The following MRPL48 variants were observed in gnomAD, a reference collection of about 807,000 sequenced individuals.
MRPL48 encodes mitochondrial ribosomal protein L48.
A neutral mutation model predicts 32.9 loss-of-function variants in MRPL48; 16 were observed. The ratio of observed to expected loss-of-function variants is 0.49; its 90% CI spans 0.33 to 0.74. The LOEUF is 0.74. Among genes scored for constraint, MRPL48 ranks in the 30% least tolerant of loss-of-function variants. The pLI is 0.02. For missense variants in MRPL48, 206 were observed against 245.3 expected (o/e 0.84, Z 1.07); for synonymous variants, 94 against 89.2 (o/e 1.05, Z -0.31).
intron 5 of MRPL48, among the ~76,000 whole-genome samples, chr11:73,855,518 C>T (rs149650841): frequency 0.02 from 3,090 of 152,172 alleles, 106 homozygotes; most frequent in African/African-American, 0.069. Flanking sequence ...GATGGAGTCT[C>T]ACTCCGTTGC....
At chr11:73,797,060 C>T (rs1947267087) in intron 1 of MRPL48, among the ~76,000 whole-genome samples, 1 of 151,674 alleles carries the variant, frequency 6.6e-6, no homozygotes, top group East Asian at 1.9e-4. Context: ...GAGACTGTCT[C>T]AAAAAAAAGC....
At chr11:73,800,425 C>G (rs1041426696) in intron 1 of MRPL48, among the ~76,000 whole-genome samples, 8 of 152,166 alleles carry the variant, frequency 5.3e-5, no homozygotes, top group South Asian at 2.1e-4. Flanking sequence ...GCTCTCACCA[C>G]CCACTCCAGA....
At position 73,831,708 on chromosome 11, in the gene MRPL48, A is replaced by AG. The variant is rs536015426; in HGVS notation, c.201+5918dup. Among the ~76,000 whole-genome samples the AG allele has an allele frequency of 7.6e-4, 115 of 152,204 alleles. 2 individuals are homozygous for AG. The highest frequency in any genetic ancestry group is 3.8e-4 in the Non-Finnish European group (26 of 68,006). Reference sequence around the variant, plus strand: ...ATAATCCCAGCACTTTGGGAGGCCGAGGGGGGAGGATCACCTGAGGTCAGG... The same window carrying AG: ...ATAATCCCAGCACTTTGGGAGGCCGAGGGGGGGAGGATCACCTGAGGTCAGG... On this transcript the variant is annotated intron_variant, in intron 4 of 7. Coordinates refer to ENST00000310614, the MANE Select transcript of MRPL48 (RefSeq NM_016055.6).
intron 3 of MRPL48, among the ~76,000 whole-genome samples, chr11:73,825,144 T>G (rs1442118373): frequency 6.6e-6 from 1 of 152,202 alleles, no homozygotes; most frequent in Non-Finnish European, 1.5e-5. Flanking sequence ...TTCATTTATT[T>G]ATTTATTTTT....
At chr11:73,856,342 G>A (rs1257172787) in intron 5 of MRPL48, among the ~76,000 whole-genome samples, 1 of 152,128 alleles carries the variant, frequency 6.6e-6, no homozygotes, top group Non-Finnish European at 1.5e-5. Context: ...TTTCCTTGGG[G>A]GAGGGTGGGT....
intron 1 of MRPL48, among the ~76,000 whole-genome samples, chr11:73,797,265 C>T (rs1225112551): frequency 6.6e-6 from 1 of 152,206 alleles, no homozygotes; most frequent in Non-Finnish European, 1.5e-5. Flanking sequence ...TCTTCTTTGT[C>T]TTGCTCACCC....
chr11:73,823,233 T>C (rs1947814296), intron 3 of MRPL48, among the ~76,000 whole-genome samples: 2 of 152,116 alleles, frequency 1.3e-5, no homozygotes, highest in Non-Finnish European at 1.5e-5. Context: ...GCCAAAAAGG[T>C]TGGGGACTGC....
chr11:73,813,953 A>G (rs1947613165), intron 3 of MRPL48, among the ~76,000 whole-genome samples: 1 of 150,078 alleles, frequency 6.7e-6, no homozygotes, highest in Admixed American at 6.7e-5. Context: ...AGGCAGGGGA[A>G]TGGCGTGAAC....
intron 3 of MRPL48, among the ~76,000 whole-genome samples, chr11:73,809,499 G>T (rs550577798): frequency 1.4e-4 from 18 of 130,130 alleles, no homozygotes; most frequent in Admixed American, 3.1e-4. Context: ...GCGAGACTCC[G>T]TCTCAAAAAA....
At chr11:73,833,280 A>G (rs1394660797) in intron 4 of MRPL48, among the ~76,000 whole-genome samples, 1 of 151,916 alleles carries the variant, frequency 6.6e-6, no homozygotes, top group Admixed American at 6.6e-5. Flanking sequence ...GGGCTTTTCT[A>G]AGTACAGGGA....
chr11:73,823,676 A>G (rs1400432523), intron 3 of MRPL48, among the ~76,000 whole-genome samples: 2 of 49,452 alleles, frequency 4.0e-5, no homozygotes, highest in African/African-American at 1.0e-4. Flanking sequence ...TTTTTTTTTT[A>G]ATTTAGAGAC....
At chr11:73,847,404 T>C (rs964985952) in intron 5 of MRPL48, among the ~76,000 whole-genome samples, 2 of 152,112 alleles carry the variant, frequency 1.3e-5, no homozygotes, top group South Asian at 2.1e-4. Context: ...TGTTTTCTTA[T>C]TGGGTCTTCA....
chr11:73,832,043 G>A (rs544713905), intron 4 of MRPL48, among the ~76,000 whole-genome samples: 9 of 151,800 alleles, frequency 5.9e-5, no homozygotes, highest in African/African-American at 2.2e-4. Context: ...GACCTCAGCT[G>A]TTGTCCAGCT....
intron 5 of MRPL48, among the ~76,000 whole-genome samples, chr11:73,855,224 G>C (rs1398198161): frequency 6.6e-6 from 1 of 151,702 alleles, no homozygotes; most frequent in African/African-American, 2.4e-5. Context: ...CAGCATTTAT[G>C]GTGATCTTTC....
intron 3 of MRPL48, among the ~76,000 whole-genome samples, chr11:73,811,813 A>T (rs892673053): frequency 1.3e-5 from 2 of 152,188 alleles, no homozygotes; most frequent in Admixed American, 6.5e-5. Flanking sequence ...AAAAAATTGA[A>T]ATGGATGCAT....
chr11:73,814,633 T>C (rs1351105843), intron 3 of MRPL48, among the ~76,000 whole-genome samples: 1 of 151,460 alleles, frequency 6.6e-6, no homozygotes, highest in African/African-American at 2.4e-5. Context: ...AGGCGGAGGT[T>C]GCAGTGAGCT....
At chr11:73,842,033 C>T (rs1447281117) in intron 4 of MRPL48, 1 of 152,202 alleles carries the variant, frequency 6.6e-6, no homozygotes, top group Non-Finnish European at 1.5e-5. Flanking sequence ...TCACTGCAAC[C>T]TCTGCCTCCC....
intron 1 of MRPL48, among the ~76,000 whole-genome samples, chr11:73,792,027 G>A (rs1947162472): frequency 6.6e-6 from 1 of 152,120 alleles, no homozygotes; most frequent in South Asian, 2.1e-4. Context: ...TGGGTTGCTG[G>A]GATAACAGAC....
Position 73,844,894 on chromosome 11 carries a change from G to A in MRPL48, c.289G>A (p.Ala97Thr), listed in dbSNP as rs748450967. 5 of 1,613,596 alleles carry A rather than the reference G, an allele frequency of 3.1e-6. No homozygotes were observed. Among genetic ancestry groups the A allele is most frequent in the Non-Finnish European group, 3.4e-6 (4 of 1,179,758 alleles). ...EYGVLNIHLT[A>T]YDMTLAESYA... ...TGGGGTTTTAAATATTCATCTGACT[G>A]CATATGATATGACCCTGGCAGAGAG... Residue 97 changes from alanine to threonine, a missense_variant, in exon 5 of 8, where the codon GCA becomes ACA. Coordinates refer to ENST00000310614, the MANE Select transcript of MRPL48 (RefSeq NM_016055.6).
Sources: gnomAD v4.1 joint callset for allele counts (sites outside exome capture counted in the v4.1 genomes callset) on GRCh38, gnomAD v4.1.1 for gene constraint, MANE v1.5 for transcripts, NCBI Gene and HGNC (gene_info 2026-07-23, HGNC 2026-07-21) for gene names.